Variants in TMEM9 observed in about 807,000 individuals in gnomAD.
The protein encoded by TMEM9 is transmembrane protein 9, also known as proton-transporting V-type ATPase complex assembly regulator TMEM9.
Under a neutral mutation model 22.8 loss-of-function variants are expected in TMEM9, and 13 were observed. The ratio of observed to expected loss-of-function variants is 0.57; its 90% CI spans 0.37 to 0.91. TMEM9 has a LOEUF of 0.91. TMEM9 is among the 40% of genes least tolerant of loss of function. The pLI is 0.01. For synonymous variants in TMEM9, 88 were observed against 93.0 expected (o/e 0.95, Z 0.31); for missense variants, 182 against 238.1 (o/e 0.76, Z 1.55).
At chr1:201,155,580 T>C (rs1022806637), upstream of TMEM9, among the ~76,000 whole-genome samples, 1 of 152,234 alleles carries the variant, frequency 6.6e-6, no homozygotes, top group South Asian at 2.1e-4. Context: ...AACTGAATTC[T>C]ATAGAATTAA....
At chr1:201,170,846 A>G (rs1378042818) in intron 1 of TMEM9, among the ~76,000 whole-genome samples, 2 of 152,156 alleles carry the variant, frequency 1.3e-5, no homozygotes, top group Non-Finnish European at 2.9e-5. Context: ...CAGCCGTCCA[A>G]TCCCGTCACC....
At chr1:201,142,439 T>C (rs1664610921) in intron 4 of TMEM9, among the ~76,000 whole-genome samples, 1 of 152,178 alleles carries the variant, frequency 6.6e-6, no homozygotes, top group Non-Finnish European at 1.5e-5. Flanking sequence ...GACCACGCTG[T>C]CTACAGGAAG....
chr1:201,142,436 C>T (rs1206426661), intron 4 of TMEM9, among the ~76,000 whole-genome samples: 1 of 152,228 alleles, frequency 6.6e-6, no homozygotes, highest in Non-Finnish European at 1.5e-5. Flanking sequence ...TTAGACCACG[C>T]TGTCTACAGG....
intron 2 of TMEM9, among the ~76,000 whole-genome samples, chr1:201,147,251 C>T (rs1665053521): frequency 6.6e-6 from 1 of 152,160 alleles, no homozygotes; most frequent in Non-Finnish European, 1.5e-5. Flanking sequence ...CTATGAGCTA[C>T]AGGAGTCACT....
intron 4 of TMEM9, among the ~76,000 whole-genome samples, chr1:201,136,801 C>G (rs902981386): frequency 6.6e-6 from 1 of 152,210 alleles, no homozygotes; most frequent in Non-Finnish European, 1.5e-5. Context: ...CTAGCTTTCC[C>G]TGCCTCTCAT....
In TMEM9 at chr1:201,135,299, C is replaced by T. The variant is rs16847798; in HGVS notation, c.*364G>A. On this transcript the variant is annotated 3_prime_UTR_variant, in exon 5 of 5. Coordinates refer to ENST00000367330, the MANE Select transcript of TMEM9 (RefSeq NM_001288565.2). ...TGAGTTCCTGAAGACCCAGCTTTATCTTCCAAGGGTAACAACATTCCCAAG... is the reference window on the plus strand; with the variant it reads ...TGAGTTCCTGAAGACCCAGCTTTATTTTCCAAGGGTAACAACATTCCCAAG... 494 of 169,292 alleles carry T rather than the reference C, an allele frequency of 2.9e-3. 2 individuals carry two copies. The highest frequency in any genetic ancestry group is 0.011 in the African/African-American group (472 of 42,236). 10.5% of individuals were successfully genotyped at this position (169,292 alleles called of 1,614,324 possible).
chr1:201,151,691 C>A, intron 2 of TMEM9, 70 bp downstream of exon 2: 1 of 1,179,688 alleles, frequency 8.5e-7, no homozygotes, highest in Non-Finnish European at 1.3e-6. Flanking sequence ...CTCCAGGGTC[C>A]AAGAACTCTA....
In TMEM9 at chr1:201,150,998, C is replaced by T. The variant is rs1029487481; in HGVS notation, c.158+763G>A. 3.9e-5 allele frequency among the ~76,000 whole-genome samples: 6 copies of T among 152,266 alleles called. No homozygotes were observed. In the East Asian group the frequency reaches 5.8e-4, roughly 15 times the overall value. On this transcript the variant is annotated intron_variant, in intron 2 of 4. Transcript: ENST00000367330. ...ATGCTCCCTCAACTCATGCTTAAGT[C>T]GGTTTCCCTGAAGCTTTTATCCTTG...
At chr1:201,165,171 T>C (rs1479801094) in intron 1 of TMEM9, among the ~76,000 whole-genome samples, 1 of 146,048 alleles carries the variant, frequency 6.8e-6, no homozygotes, top group East Asian at 2.0e-4. Flanking sequence ...TATATATATA[T>C]ATATATATTC....
chr1:201,159,484 T>TACACACAC (rs60273477), upstream of TMEM9, among the ~76,000 whole-genome samples: 7 of 147,598 alleles, frequency 4.7e-5, no homozygotes, highest in South Asian at 1.1e-3. Flanking sequence ...TGCCTTTTTA[T>TACACACAC]ACACACACAC....
In TMEM9 at chr1:201,154,133, C is replaced by T; in HGVS notation, c.-210G>A. On this transcript the variant is annotated 5_prime_UTR_variant, in exon 1 of 5. Transcript: ENST00000367330. ...GCTTCCCTCCCGCCCAACTCTCCGG[C>T]TCTCCGCCAGCCACCTGGTGAGCCC... The T allele has an allele frequency of 1.7e-6, 1 of 589,678 alleles. No individual in the cohort carries two copies. The highest frequency in any genetic ancestry group is 3.4e-5 in the Admixed American group (1 of 29,634). 36.5% of individuals were successfully genotyped at this position (589,678 alleles called of 1,614,324 possible).
At chr1:201,158,981 CA>C (rs143343283), upstream of TMEM9, among the ~76,000 whole-genome samples, 971 of 152,258 alleles carry the variant, frequency 6.4e-3, 13 homozygotes, top group African/African-American at 0.022. Flanking sequence ...CTCTCCCTGG[CA>C]TCAACTATAT....
intron 4 of TMEM9, among the ~76,000 whole-genome samples, chr1:201,139,241 C>T (rs527900568): frequency 3.9e-5 from 6 of 152,210 alleles, no homozygotes; most frequent in Non-Finnish European, 7.3e-5. Context: ...CCTCCCTCCT[C>T]CCCAATCCCA....
intron 1 of TMEM9, among the ~76,000 whole-genome samples, chr1:201,153,498 T>C (rs1369189727): frequency 6.6e-6 from 1 of 152,224 alleles, no homozygotes; most frequent in Non-Finnish European, 1.5e-5. Flanking sequence ...GCTCATTTTT[T>C]ATGTGCAAAT....
intron 1 of TMEM9, among the ~76,000 whole-genome samples, chr1:201,164,358 A>G (rs1322036745): frequency 6.6e-6 from 1 of 152,234 alleles, no homozygotes; most frequent in African/African-American, 2.4e-5. Context: ...ATAAGATGTT[A>G]TAAGTGATCT....
intron 2 of TMEM9, among the ~76,000 whole-genome samples, chr1:201,147,942 C>A (rs184743261): frequency 6.6e-6 from 1 of 152,334 alleles, no homozygotes; most frequent in East Asian, 1.9e-4. Context: ...CTCCCCCCAA[C>A]CCCCCGCCAA....
chr1:201,153,871 G>A lies in TMEM9; in HGVS notation c.53C>T (p.Ala18Val). 1 of 1,614,184 alleles carries A rather than the reference G, an allele frequency of 6.2e-7. No homozygotes were observed. The highest frequency in any genetic ancestry group is 1.3e-5 in the African/African-American group (1 of 75,072). The stretch of plus-strand genomic sequence containing the variant: ...CACCTCCCTCACCTTGTTGGCTTCA[G>A]CTGGGGGCACCAGCAAACACCCGAC... ...AVVGCLLVPP[A>V]EANKSSEDIR... Residue 18 changes from alanine to valine, a missense_variant, in exon 1 of 5, where the codon GCT (alanine) becomes GTT (valine). Physicochemically the swap from Ala to Val is moderately conservative, Grantham distance 64 (BLOSUM62 0). Coordinates refer to ENST00000367330, the MANE Select transcript of TMEM9 (RefSeq NM_001288565.2).
At chr1:201,139,877 GC>G (rs56327794) in intron 4 of TMEM9, among the ~76,000 whole-genome samples, 33,250 of 152,202 alleles carry the variant, frequency 0.22, 3,989 homozygotes, top group Non-Finnish European at 0.28. Context: ...GCAGGGCTCG[GC>G]CCCTCCCAGG....
intron 1 of TMEM9, among the ~76,000 whole-genome samples, chr1:201,153,005 C>T (rs561866719): frequency 2.0e-5 from 3 of 152,310 alleles, no homozygotes; most frequent in African/African-American, 7.2e-5. Context: ...ACTTTCTGGT[C>T]CCTCTACTGC....
Sources: gnomAD v4.1 joint callset for allele counts (sites outside exome capture counted in the v4.1 genomes callset) on GRCh38, gnomAD v4.1.1 for gene constraint, MANE v1.5 for transcripts, NCBI Gene and HGNC (gene_info 2026-07-23, HGNC 2026-07-21) for gene names.